KLHL32: variants seen among roughly 807,000 people sequenced by gnomAD.
KLHL32 encodes kelch like family member 32, also known as kelch-like protein 32.
KLHL32 carries 35 observed loss-of-function variants against 64.8 expected under a neutral mutation model. The ratio of observed to expected loss-of-function variants is 0.54; its 90% CI spans 0.41 to 0.72. KLHL32 has a LOEUF of 0.72. KLHL32 is among the 30% of genes least tolerant of loss of function. The pLI is 0.00. For synonymous variants in KLHL32, 259 were observed against 281.0 expected (o/e 0.92, Z 0.78); for missense variants, 589 against 768.5 (o/e 0.77, Z 2.76).
chr6:97,066,674 G>C (rs1043600130), intron 5 of KLHL32, among the ~76,000 whole-genome samples: 22 of 152,088 alleles, frequency 1.4e-4, no homozygotes, highest in African/African-American at 5.1e-4. Context: ...TCATGTCGAC[G>C]TAGAAACCTT....
intron 3 of KLHL32, among the ~76,000 whole-genome samples, chr6:97,004,969 T>C (rs1329963779): frequency 2.6e-5 from 4 of 152,108 alleles, no homozygotes. Context: ...CTGCTAGGTT[T>C]TGGTATCAGG....
the KLHL32 span, among the ~76,000 whole-genome samples, chr6:96,903,359 C>T: frequency 4.6e-5 from 7 of 151,938 alleles, no homozygotes; most frequent in South Asian, 2.1e-4. Context: ...ATAACACAAT[C>T]GAATAGAAAA....
intron 5 of KLHL32, 128 bp from the exon 6 acceptor site, chr6:97,084,997 TA>T (rs1436811634): frequency 8.9e-6 from 6 of 671,026 alleles, no homozygotes; most frequent in African/African-American, 1.8e-5. Context: ...TTTTTTTTTT[TA>T]TACTAGCCCT....
chr6:97,046,748 G>A (rs141592454), intron 4 of KLHL32, among the ~76,000 whole-genome samples: 4 of 152,284 alleles, frequency 2.6e-5, no homozygotes, highest in African/African-American at 7.2e-5. Context: ...CTATGGAGTC[G>A]ACATTAACAT....
the KLHL32 span, chr6:96,914,577 G>A: frequency 2.0e-5 from 3 of 152,152 alleles, no homozygotes; most frequent in Non-Finnish European, 4.4e-5. Context: ...GAGGGAGAAG[G>A]GGGTTTAGCT....
intron 6 of KLHL32, among the ~76,000 whole-genome samples, chr6:97,107,537 C>T (rs1480037944): frequency 2.0e-5 from 3 of 152,156 alleles, no homozygotes; most frequent in African/African-American, 7.2e-5. Context: ...ACTCAGCTTT[C>T]TTCTTGCTCA....
intron 1 of KLHL32, among the ~76,000 whole-genome samples, chr6:96,961,111 A>G (rs1773833118): frequency 6.6e-6 from 1 of 152,250 alleles, no homozygotes; most frequent in South Asian, 2.1e-4. Context: ...AAGACATAGC[A>G]AAGAAGACAT....
At chr6:96,932,563 TTC>T (rs1770045424) in intron 1 of KLHL32, among the ~76,000 whole-genome samples, 1 of 111,218 alleles carries the variant, frequency 9.0e-6, no homozygotes, top group Non-Finnish European at 1.8e-5. Flanking sequence ...AGTTGTCAAT[TTC>T]CCCCCCCCCC....
chr6:97,084,117 A>T (rs1394620238), intron 5 of KLHL32, among the ~76,000 whole-genome samples: 1 of 152,190 alleles, frequency 6.6e-6, no homozygotes, highest in Non-Finnish European at 1.5e-5. Flanking sequence ...AGAAAGGGGA[A>T]AAGTAGGTTG....
At chr6:96,934,809 G>A (rs1215072435) in intron 1 of KLHL32, among the ~76,000 whole-genome samples, 1 of 152,210 alleles carries the variant, frequency 6.6e-6, no homozygotes, top group Non-Finnish European at 1.5e-5. Flanking sequence ...CTTTATGTAA[G>A]CCAACTGGAG....
chr6:97,103,061 A>G (rs1347302951), intron 6 of KLHL32, among the ~76,000 whole-genome samples: 1 of 151,710 alleles, frequency 6.6e-6, no homozygotes, highest in Admixed American at 6.6e-5. Context: ...TTATATATAA[A>G]TAAACATAGA....
At chr6:97,006,740 T>G (rs1779715290) in intron 3 of KLHL32, among the ~76,000 whole-genome samples, 1 of 152,216 alleles carries the variant, frequency 6.6e-6, no homozygotes, top group Admixed American at 6.5e-5. Context: ...TATTTCTCCT[T>G]TGCTTATGAA....
At chr6:96,929,266 T>C (rs192835094) in intron 1 of KLHL32, among the ~76,000 whole-genome samples, 6 of 152,292 alleles carry the variant, frequency 3.9e-5, no homozygotes, top group African/African-American at 1.4e-4. Flanking sequence ...AAGTACAATA[T>C]AAGCCAATAT....
chr6:96,917,541 C>A, the KLHL32 span, among the ~76,000 whole-genome samples: 1 of 152,288 alleles, frequency 6.6e-6, no homozygotes, highest in African/African-American at 2.4e-5. Flanking sequence ...ACAGAGGCAC[C>A]ATTTCTTGTT....
rs143821698 is a variant in KLHL32 at position 96,966,867 on chromosome 6, G to A, written c.-65-129G>A. 46 of 518,480 alleles carry A rather than the reference G, an allele frequency of 8.9e-5. 1 individual carries two copies. Among genetic ancestry groups the A allele is most frequent in the Non-Finnish European group, 1.4e-4 (39 of 283,300 alleles). 32.1% of individuals were successfully genotyped at this position (518,480 alleles called of 1,614,324 possible). A position where few individuals can be genotyped will look rare whatever the true frequency, so the allele number is the denominator to read the frequency against. The stretch of plus-strand genomic sequence containing the variant: ...TGTTAAAGGAGCATTGTGTCAGAAC[G>A]TTTTATGTGGACAGTAAAGCTCTCC... On this transcript the variant is annotated intron_variant, in intron 1 of 10. Transcript: ENST00000369261.
chr6:97,128,895 T>A (rs774029812), intron 8 of KLHL32, among the ~76,000 whole-genome samples: 88 of 152,358 alleles, frequency 5.8e-4, no homozygotes, highest in Middle Eastern at 3.4e-3. Context: ...GGGACTGGAC[T>A]GCTAATGCAA....
intron 6 of KLHL32, among the ~76,000 whole-genome samples, chr6:97,095,289 T>G (rs1306139939): frequency 6.6e-6 from 1 of 152,230 alleles, no homozygotes; most frequent in Admixed American, 6.5e-5. Flanking sequence ...GACTATGTAC[T>G]CTTTGGAGTG....
Position 96,968,391 on chromosome 6 carries a change from C to CA in KLHL32, c.23+1319dup, listed in dbSNP as rs111931786. Among the ~76,000 whole-genome samples the CA allele has an allele frequency of 4.8e-3, 711 of 147,086 alleles. 10 individuals are homozygous for CA. Among genetic ancestry groups the CA allele is most frequent in the African/African-American group, 0.016 (641 of 39,950 alleles). On this transcript the variant is annotated intron_variant, in intron 2 of 10. Transcript: ENST00000369261. ...AAAAAACAAAAAACAAAAACAAAAACAAAAAAAAAAACATCTAGCCCAAAA... is the reference window on the plus strand; with the variant it reads ...AAAAAACAAAAAACAAAAACAAAAACAAAAAAAAAAAACATCTAGCCCAAAA...
At chr6:97,058,732 T>C (rs1281494827) in intron 4 of KLHL32, among the ~76,000 whole-genome samples, 1 of 152,192 alleles carries the variant, frequency 6.6e-6, no homozygotes, top group Non-Finnish European at 1.5e-5. Flanking sequence ...CTTTCTGCTT[T>C]GAATGTAGAC....
Sources: allele counts gnomAD v4.1 joint callset (sites outside exome capture counted in the v4.1 genomes callset), GRCh38; gene constraint gnomAD v4.1.1; transcripts MANE v1.5; gene names NCBI Gene and HGNC (gene_info 2026-07-23, HGNC 2026-07-21).